MAST2: variants seen among roughly 807,000 people sequenced by gnomAD.
MAST2 encodes microtubule associated serine/threonine kinase 2.
Under a neutral mutation model 147.4 loss-of-function variants are expected in MAST2, and 70 were observed. The ratio of observed to expected loss-of-function variants is 0.47; its 90% CI spans 0.39 to 0.58. The LOEUF is 0.58. Among genes scored for constraint, MAST2 ranks in the 20% least tolerant of loss-of-function variants. The pLI is 0.00. For missense variants in MAST2, 2,080 were observed against 2,302.3 expected (o/e 0.90, Z 1.98); for synonymous variants, 869 against 896.8 (o/e 0.97, Z 0.55).
In MAST2 at chr1:45,891,067, A is replaced by T. The variant is rs373789184; in HGVS notation, c.500+8672A>T. ...AAAGAAGTAAAAGAACCACAAAGTGATATGTGGTATGTGTATGTGTAGTGT... is the reference window on the plus strand; with the variant it reads ...AAAGAAGTAAAAGAACCACAAAGTGTTATGTGGTATGTGTATGTGTAGTGT... On this transcript the variant is annotated intron_variant, in intron 4 of 28. Coordinates refer to ENST00000361297, the MANE Select transcript of MAST2 (RefSeq NM_015112.3). 5.7e-4 allele frequency among the ~76,000 whole-genome samples: 87 copies of T among 152,324 alleles called. 3 individuals are homozygous for T. In the South Asian group the frequency reaches 0.018, roughly 31 times the overall value.
chr1:45,875,175 G>T (rs1420207725), intron 3 of MAST2, among the ~76,000 whole-genome samples: 4 of 152,226 alleles, frequency 2.6e-5, no homozygotes, highest in Admixed American at 1.3e-4. Context: ...GCCGGGCACG[G>T]TGGCTCACGC....
chr1:45,865,232 T>C (rs1463452458), intron 3 of MAST2: 1 of 408,110 alleles, frequency 2.5e-6, no homozygotes, highest in Non-Finnish European at 4.9e-6. Flanking sequence ...TTTAATTCAT[T>C]TGAGGTAGGA....
chr1:45,943,853 T>G (rs1361876296), intron 4 of MAST2, among the ~76,000 whole-genome samples: 1 of 152,240 alleles, frequency 6.6e-6, no homozygotes, highest in African/African-American at 2.4e-5. Flanking sequence ...ATAACACTAC[T>G]GATAGCCTGT....
At chr1:46,006,039 T>C (rs150496944) in intron 7 of MAST2, among the ~76,000 whole-genome samples, 31 of 152,272 alleles carry the variant, frequency 2.0e-4, no homozygotes, top group African/African-American at 7.2e-4. Context: ...CTCCAGTATA[T>C]TGAATTCCTC....
Position 46,010,889 on chromosome 1 carries a change from T to C in MAST2, c.1138T>C (p.Ser380Pro). ...TAAATCTCGGAGTGGCCTCATTACATCACAATACTTCTACGAACTTCAAGA... is the reference window on the plus strand; with the variant it reads ...TAAATCTCGGAGTGGCCTCATTACACCACAATACTTCTACGAACTTCAAGA... ...LDKSRSGLIT[S>P]QYFYELQDNL... Residue 380 changes from serine (S) to proline (P), a missense_variant, in exon 10 of 29, where the codon TCA (serine) becomes CCA (proline). By Grantham distance (74) the Ser-to-Pro change is moderately conservative. This residue lies in a region of MAST2 where 569 missense variants were observed against 642.5 expected (regional missense o/e 0.89). Coordinates refer to ENST00000361297, the MANE Select transcript of MAST2 (RefSeq NM_015112.3). 6.2e-7 allele frequency: 1 copy of C among 1,614,224 alleles called. No homozygotes were observed. Among genetic ancestry groups the C allele is most frequent in the Non-Finnish European group, 8.5e-7 (1 of 1,180,040 alleles).
Position 46,023,886 on chromosome 1 carries a change from C to T in MAST2, c.1686C>T (p.Asp562=), listed in dbSNP as rs1442815638. The part of the protein sequence containing the change: ...NQIQQAFVER[D]ILTFAENPFV... ...TCCAGCAGGCCTTCGTGGAGCGTGACATACTGACTTTCGCTGAGAACCCCT... is the reference window on the plus strand; with the variant it reads ...TCCAGCAGGCCTTCGTGGAGCGTGATATACTGACTTTCGCTGAGAACCCCT... The change falls in exon 15 of 29, where the codon GAC becomes GAT. Residue 562 remains aspartate, a synonymous_variant. Transcript: ENST00000361297. The surrounding 1 kb of genome is among the most constrained non-coding windows in gnomAD (Gnocchi z 4.9). 6.2e-7 allele frequency: 1 copy of T among 1,614,076 alleles called. No homozygotes were observed. The highest frequency in any genetic ancestry group is 8.5e-7 in the Non-Finnish European group (1 of 1,180,048).
At position 46,023,909 on chromosome 1, in the gene MAST2, C is replaced by T. The variant is rs1221843860; in HGVS notation, c.1709C>T (p.Pro570Leu). ...GACATACTGACTTTCGCTGAGAACCCCTTTGTGGTCAGCATGTTCTGCTCC... is the reference window on the plus strand; with the variant it reads ...GACATACTGACTTTCGCTGAGAACCTCTTTGTGGTCAGCATGTTCTGCTCC... ...ERDILTFAENPFVVSMFCSFD... is the reference protein window; with the variant it reads ...ERDILTFAENLFVVSMFCSFD... The change falls in exon 15 of 29, where the codon CCC becomes CTC. Residue 570 changes from proline (P) to leucine (L), a missense_variant. Coordinates refer to ENST00000361297, the MANE Select transcript of MAST2 (RefSeq NM_015112.3). This position sits in a 1 kb window ranked among gnomAD's most constrained non-coding sequence, Gnocchi z 4.9. 1.2e-6 allele frequency: 2 copies of T among 1,614,168 alleles called. No homozygotes were observed. The highest frequency in any genetic ancestry group is 2.2e-5 in the South Asian group (2 of 91,086).
chr1:45,994,047 GTCAGGATGCA>G (rs1644952898), intron 5 of MAST2, among the ~76,000 whole-genome samples: 1 of 152,134 alleles, frequency 6.6e-6, no homozygotes, highest in Non-Finnish European at 1.5e-5. Context: ...TCCCTGTGAA[GTCAGGATGCA>G]TCACCCTCCT....
chr1:45,929,381 G>T (rs534873421), intron 4 of MAST2, among the ~76,000 whole-genome samples: 1 of 152,132 alleles, frequency 6.6e-6, no homozygotes, highest in Non-Finnish European at 1.5e-5. Flanking sequence ...GCCCAGAGCA[G>T]CAGGGGGGGA....
chr1:45,940,628 T>C (rs1402175876), intron 4 of MAST2, among the ~76,000 whole-genome samples: 1 of 151,698 alleles, frequency 6.6e-6, no homozygotes, highest in Non-Finnish European at 1.5e-5. Context: ...AGGATTTTTT[T>C]TTTTTTTTTG....
intron 3 of MAST2, among the ~76,000 whole-genome samples, chr1:45,837,323 C>T (rs1645133470): frequency 6.6e-6 from 1 of 152,214 alleles, no homozygotes; most frequent in Admixed American, 6.5e-5. Flanking sequence ...TGCTTTTTGT[C>T]ACTGTGGTTT....
At chr1:45,899,885 G>A (rs1450887620) in intron 4 of MAST2, among the ~76,000 whole-genome samples, 2 of 150,968 alleles carry the variant, frequency 1.3e-5, no homozygotes, top group African/African-American at 2.4e-5. Flanking sequence ...TTCTTTTCCC[G>A]GCCCAGCGCG....
rs1380465257 is a variant in MAST2, at chr1:46,019,706, A to G, written c.1290+9A>G. The G allele has an allele frequency of 4.3e-6, 7 of 1,612,816 alleles. No individual in the cohort carries two copies. The South Asian group carries it at 6.6e-5, about 15-fold the overall frequency. On this transcript the variant is annotated intron_variant, in intron 11 of 28. Transcript: ENST00000361297. ...GTCTCCTGGAATGCCTGGTGAGTGG[A>G]CTCTAGGAAAGTCAGGTGGGCAGAT...
chr1:46,028,180 G>A (rs934182803), intron 17 of MAST2, among the ~76,000 whole-genome samples: 1 of 152,202 alleles, frequency 6.6e-6, no homozygotes, highest in Non-Finnish European at 1.5e-5. Context: ...TGAGCCTTGA[G>A]AATCATATGG....
At chr1:45,824,379 TA>T (rs1354842069) in intron 1 of MAST2, 53 bp from the exon 2 acceptor site, 6 of 1,394,984 alleles carry the variant, frequency 4.3e-6, no homozygotes, top group Middle Eastern at 1.9e-4. Context: ...ATAAAGTTTT[TA>T]TACTTCAGAG....
chr1:45,804,443 G>A (rs1166048675), intron 1 of MAST2, among the ~76,000 whole-genome samples: 1 of 152,144 alleles, frequency 6.6e-6, no homozygotes, highest in East Asian at 1.9e-4. Context: ...ATTTGATGTA[G>A]TGTTATCCTG....
chr1:45,910,100 TTG>T (rs892123273), intron 4 of MAST2, among the ~76,000 whole-genome samples: 7 of 145,692 alleles, frequency 4.8e-5, no homozygotes, highest in African/African-American at 1.8e-4. Context: ...TAAGTACTTT[TTG>T]TGTGCAGTTG....
intron 3 of MAST2, among the ~76,000 whole-genome samples, chr1:45,856,463 C>T (rs963437642): frequency 4.6e-5 from 7 of 152,198 alleles, no homozygotes; most frequent in Admixed American, 2.6e-4. Context: ...GTCACACACG[C>T]AGTTGCACAT....
chr1:46,000,817 T>C, intron 6 of MAST2: 3 of 465,728 alleles, frequency 6.4e-6, no homozygotes, highest in Non-Finnish European at 1.2e-5. Context: ...GATAGACCCA[T>C]TGGTCCTACA....
Sources: gnomAD v4.1 joint callset for allele counts (sites outside exome capture counted in the v4.1 genomes callset) on GRCh38, gnomAD v4.1.1 for gene constraint, gnomAD v4.1.1 regional missense constraint, Gnocchi (gnomAD v3.1) non-coding constraint, MANE v1.5 for transcripts, NCBI Gene and HGNC (gene_info 2026-07-23, HGNC 2026-07-21) for gene names.